The following DCLK1 variants were observed in gnomAD, a reference collection of about 807,000 sequenced individuals.
DCLK1 encodes the protein serine/threonine-protein kinase DCLK1.
Under a neutral mutation model 86.2 loss-of-function variants are expected in DCLK1, and 16 were observed. The observed-to-expected ratio is 0.19, with a 90% CI of 0.13 to 0.28. DCLK1 has a LOEUF of 0.28. Among genes scored for constraint, DCLK1 ranks in the 10% least tolerant of loss-of-function variants. DCLK1 has a pLI of 1.00. For synonymous variants in DCLK1, 369 were observed against 370.5 expected, an observed-to-expected ratio of 1.00 and a Z score of 0.05; for missense variants, 590 against 940.2, an observed-to-expected ratio of 0.63 and a Z score of 4.87.
chr13:35,882,562 A>G (rs2153116870), intron 4 of DCLK1, among the ~76,000 whole-genome samples: 1 of 152,330 alleles, frequency 6.6e-6, no homozygotes, highest in South Asian at 2.1e-4. Flanking sequence ...TCCTTAGAGT[A>G]GCCTGTAAGG....
intron 10 of DCLK1, among the ~76,000 whole-genome samples, chr13:35,827,244 C>T (rs992833596): frequency 2.6e-5 from 4 of 152,214 alleles, no homozygotes; most frequent in Middle Eastern, 3.4e-3. Flanking sequence ...TGGCTGGTAC[C>T]TTTGGATATA....
At chr13:35,954,141 G>A (rs1277115783) in intron 3 of DCLK1, among the ~76,000 whole-genome samples, 4 of 151,830 alleles carry the variant, frequency 2.6e-5, no homozygotes, top group Non-Finnish European at 4.4e-5. Flanking sequence ...AGTTAAAGAT[G>A]GCAGGCTTAA....
chr13:35,917,779 T>G (rs1448059514), intron 4 of DCLK1, among the ~76,000 whole-genome samples: 2 of 151,160 alleles, frequency 1.3e-5, no homozygotes, highest in African/African-American at 4.8e-5. Context: ...GGGAATATTT[T>G]AGGCAGAGCT....
intron 12 of DCLK1, among the ~76,000 whole-genome samples, chr13:35,809,718 C>T (rs537525588): frequency 6.6e-6 from 1 of 152,232 alleles, no homozygotes; most frequent in South Asian, 2.1e-4. Flanking sequence ...CCCAGGCAGC[C>T]CCACCTGAGG....
chr13:35,879,273 T>G (rs1872750825), intron 4 of DCLK1, among the ~76,000 whole-genome samples: 1 of 152,130 alleles, frequency 6.6e-6, no homozygotes, highest in South Asian at 2.1e-4. Flanking sequence ...CCACCACAAC[T>G]TCCAGAACAC....
At chr13:36,079,108 C>T (rs1188642539) in intron 3 of DCLK1, among the ~76,000 whole-genome samples, 1 of 152,100 alleles carries the variant, frequency 6.6e-6, no homozygotes, top group African/African-American at 2.4e-5. Context: ...AGAGATGAGA[C>T]CATGTCAGGG....
In DCLK1 at chr13:35,839,393, C is replaced by T. The variant is rs183360742; in HGVS notation, c.1036-217G>A. ...AATAGACTGTGATAACAGGATCAAG[C>T]TGGTTATTGTGAACTTGAATGTTCC... On this transcript the variant is annotated intron_variant, in intron 6 of 16. Transcript: ENST00000360631. Among the ~76,000 whole-genome samples, 13 of 152,278 alleles carry T rather than the reference C, an allele frequency of 8.5e-5. No homozygotes were observed. The East Asian group carries it at 2.5e-3, about 29-fold the overall frequency.
chr13:35,864,936 G>A (rs1356515127), intron 5 of DCLK1, among the ~76,000 whole-genome samples: 1 of 152,070 alleles, frequency 6.6e-6, no homozygotes, highest in Admixed American at 6.6e-5. Flanking sequence ...AAAGGTATAA[G>A]CCACCATGCC....
In DCLK1 at chr13:35,836,148, G is replaced by A; in HGVS notation, c.1121-7C>T. The A allele has an allele frequency of 1.2e-6, 2 of 1,601,142 alleles. No homozygotes were observed. The highest frequency in any genetic ancestry group is 1.7e-4 in the Middle Eastern group (1 of 6,020). ...AAGCCTTCCTCCGACACTTCTGAAA[G>A]AATCATTAATACTTTTTTATTGGTT... On this transcript the variant is annotated splice_polypyrimidine_tract_variant and splice_region_variant and intron_variant, in intron 7 of 16. Transcript: ENST00000360631.
At chr13:36,079,159 A>AGT (rs560006594) in intron 3 of DCLK1, among the ~76,000 whole-genome samples, 1 of 152,236 alleles carries the variant, frequency 6.6e-6, no homozygotes, top group Non-Finnish European at 1.5e-5. Flanking sequence ...GCAAGGTCAC[A>AGT]GTAGATCATA....
At chr13:35,888,279 T>TAG (rs1247403191) in intron 4 of DCLK1, among the ~76,000 whole-genome samples, 9 of 152,206 alleles carry the variant, frequency 5.9e-5, no homozygotes, top group African/African-American at 2.2e-4. Flanking sequence ...CATGAACAAT[T>TAG]TATCTATTTT....
At chr13:35,896,478 C>T (rs2153120838) in intron 4 of DCLK1, among the ~76,000 whole-genome samples, 1 of 127,240 alleles carries the variant, frequency 7.9e-6, no homozygotes, top group Non-Finnish European at 1.5e-5. Context: ...CCGGAGGTCG[C>T]AGTGAGCAAA....
intron 4 of DCLK1, among the ~76,000 whole-genome samples, chr13:35,932,058 A>T (rs1284629595): frequency 6.6e-6 from 1 of 152,164 alleles, no homozygotes; most frequent in Non-Finnish European, 1.5e-5. Context: ...GTCTGTGAGG[A>T]TGCTTCTGGG....
At chr13:35,781,119 G>A (rs1566527936) in intron 16 of DCLK1, among the ~76,000 whole-genome samples, 1 of 152,188 alleles carries the variant, frequency 6.6e-6, no homozygotes, top group Non-Finnish European at 1.5e-5. Context: ...ATAGCATAGA[G>A]GAGGAAGGTC....
At chr13:35,987,624 A>C (rs1304802635) in intron 3 of DCLK1, among the ~76,000 whole-genome samples, 2 of 152,128 alleles carry the variant, frequency 1.3e-5, no homozygotes, top group Non-Finnish European at 2.9e-5. Flanking sequence ...ACAACAATAA[A>C]AAAAATAAAA....
intron 8 of DCLK1, among the ~76,000 whole-genome samples, chr13:35,834,914 C>T: frequency 6.6e-6 from 1 of 152,308 alleles, no homozygotes; most frequent in Admixed American, 6.5e-5. Context: ...GAGGACTCTG[C>T]TACCTGAGCT....
chr13:35,922,473 G>A (rs185320550), intron 4 of DCLK1, among the ~76,000 whole-genome samples: 44 of 152,222 alleles, frequency 2.9e-4, no homozygotes, highest in Middle Eastern at 6.8e-3. Flanking sequence ...GAGCATTGGC[G>A]GACAGTCAGA....
chr13:35,901,638 C>T (rs984922001), intron 4 of DCLK1, among the ~76,000 whole-genome samples: 8 of 151,852 alleles, frequency 5.3e-5, no homozygotes, highest in East Asian at 1.9e-4. Flanking sequence ...ACTCCCTTTG[C>T]GTGTTCTCTT....
At chr13:35,847,884 A>AT in intron 6 of DCLK1, 1 of 985,256 alleles carries the variant, frequency 1.0e-6, no homozygotes, top group Non-Finnish European at 1.2e-6. Context: ...AACTGTCTAG[A>AT]TTTTTCCCCC....
Sources: gnomAD v4.1 joint callset for allele counts (sites outside exome capture counted in the v4.1 genomes callset) on GRCh38, gnomAD v4.1.1 for gene constraint, MANE v1.5 for transcripts, NCBI Gene and HGNC (gene_info 2026-07-23, HGNC 2026-07-21) for gene names.